The following FUBP3 variants were observed in gnomAD, a reference collection of about 807,000 sequenced individuals.
FUBP3 encodes the protein far upstream element binding protein 3.
FUBP3 carries 28 observed loss-of-function variants against 85.6 expected under a neutral mutation model. The ratio of observed to expected loss-of-function variants is 0.33; its 90% CI spans 0.24 to 0.45. The LOEUF is 0.45. FUBP3 is among the 20% of genes least tolerant of loss of function. FUBP3 has a pLI of 1.00. For synonymous variants in FUBP3, 271 were observed against 271.4 expected, an observed-to-expected ratio of 1.00 and a Z score of 0.01; for missense variants, 583 against 755.1, an observed-to-expected ratio of 0.77 and a Z score of 2.67.
chr9:130,635,885 C>T lies in FUBP3; in HGVS notation c.1583-114C>T. The T allele has an allele frequency of 9.1e-7, 1 of 1,103,794 alleles. No homozygotes were observed. Among genetic ancestry groups the T allele is most frequent in the East Asian group, 2.4e-5 (1 of 42,118 alleles). The allele number at this position is 1,103,794 out of a possible 1,614,324, so 68.4% of individuals were successfully genotyped here. A position where few individuals can be genotyped will look rare whatever the true frequency, so the allele number is the denominator to read the frequency against. On this transcript the variant is annotated intron_variant, in intron 17 of 18. Transcript: ENST00000319725. The surrounding 1 kb of genome is among the most constrained non-coding windows in gnomAD (Gnocchi z 4.3). ...CAGCCTCACCTCACTGCCTCCCAGA[C>T]CTCCCTGCCTTCCAGCCGTCCGGAG...
chr9:130,607,973 T>G (rs12115642), intron 2 of FUBP3, among the ~76,000 whole-genome samples: 2 of 152,230 alleles, frequency 1.3e-5, no homozygotes, highest in Admixed American at 1.3e-4. Flanking sequence ...TGGTGTCATG[T>G]GCGTGGCACC....
At position 130,617,912 on chromosome 9, in the gene FUBP3, G is replaced by A. The variant is rs1209085797; in HGVS notation, c.666+17G>A. The A allele has an allele frequency of 5.5e-6, 7 of 1,261,608 alleles. No individual in the cohort carries two copies. Among genetic ancestry groups the A allele is most frequent in the Non-Finnish European group, 8.1e-6 (7 of 865,344 alleles). The allele number at this position is 1,261,608 out of a possible 1,614,324, so 78.2% of individuals were successfully genotyped here. On this transcript the variant is annotated intron_variant, in intron 8 of 18. Coordinates refer to ENST00000319725, the MANE Select transcript of FUBP3 (RefSeq NM_003934.2). ...AAAGTACAGGTAGGAAAGTGCCATG[G>A]GTTGGGTGAGTCCTGGCTGTTGGGG...
At chr9:130,583,728 G>A (rs955939132) in intron 1 of FUBP3, among the ~76,000 whole-genome samples, 5 of 152,114 alleles carry the variant, frequency 3.3e-5, no homozygotes, top group African/African-American at 1.2e-4. Context: ...TTCCTTAAAG[G>A]GTTTTGGTGA....
At chr9:130,630,255 C>T (rs1446248924) in intron 12 of FUBP3, among the ~76,000 whole-genome samples, 1 of 152,234 alleles carries the variant, frequency 6.6e-6, no homozygotes, top group Non-Finnish European at 1.5e-5. Flanking sequence ...GCAGTGCCAT[C>T]CCTGGCTGGG....
At chr9:130,624,949 G>T (rs973581530) in intron 11 of FUBP3, among the ~76,000 whole-genome samples, 7 of 152,140 alleles carry the variant, frequency 4.6e-5, no homozygotes, top group African/African-American at 1.7e-4. Flanking sequence ...GCTGGACGTG[G>T]TGGCTCACGC....
At chr9:130,610,663 C>T (rs983568002) in intron 3 of FUBP3, among the ~76,000 whole-genome samples, 1 of 152,212 alleles carries the variant, frequency 6.6e-6, no homozygotes, top group African/African-American at 2.4e-5. Context: ...GAAACTGCCA[C>T]AGTTTCTCTT....
chr9:130,587,748 C>A (rs910925818), intron 1 of FUBP3, among the ~76,000 whole-genome samples: 3 of 152,114 alleles, frequency 2.0e-5, no homozygotes, highest in African/African-American at 7.2e-5. Context: ...CCTGGGGCTC[C>A]TAATTAAGGA....
Position 130,636,343 on chromosome 9 carries a change from T to C in FUBP3, c.1710+217T>C, listed in dbSNP as rs9919072. 494 of 657,798 alleles carry C rather than the reference T, an allele frequency of 7.5e-4. 2 individuals carry two copies. The African/African-American group carries it at 7.9e-3, about 11-fold the overall frequency. 40.7% of individuals were successfully genotyped at this position (657,798 alleles called of 1,614,324 possible). ...AAAGAGTTTAGGCCAAGTGGGAGGATTGGGGGCGCAGCCCCTACAAGGAAG... is the reference window on the plus strand; with the variant it reads ...AAAGAGTTTAGGCCAAGTGGGAGGACTGGGGGCGCAGCCCCTACAAGGAAG... On this transcript the variant is annotated intron_variant, in intron 18 of 18. Transcript: ENST00000319725.
chr9:130,632,980 G>A (rs1454895026), intron 16 of FUBP3, among the ~76,000 whole-genome samples: 2 of 152,248 alleles, frequency 1.3e-5, no homozygotes, highest in African/African-American at 4.8e-5. Context: ...TGTTTAGAAA[G>A]GCTTCTTCAG....
intron 18 of FUBP3, chr9:130,636,349 G>A: frequency 1.5e-6 from 1 of 648,170 alleles, no homozygotes; most frequent in Non-Finnish European, 2.8e-6. Context: ...AGGATTGGGG[G>A]CGCAGCCCCT....
At position 130,631,883 on chromosome 9, in the gene FUBP3, A is replaced by C. The variant is rs1324766323; in HGVS notation, c.1353-59A>C. On this transcript the variant is annotated intron_variant, in intron 14 of 18. Transcript: ENST00000319725. ...CCCTCAGTGCCCTGGGGCTGCGGGG[A>C]GGGGACGAGCCCTCTGTTGTGAGGC... is the stretch of plus-strand genomic sequence containing the variant. 7.1e-6 allele frequency: 9 copies of C among 1,263,038 alleles called. No homozygotes were observed. In the East Asian group the frequency reaches 2.1e-4, roughly 29 times the overall value. 78.2% of individuals were successfully genotyped at this position (1,263,038 alleles called of 1,614,324 possible). A position where few individuals can be genotyped will look rare whatever the true frequency, so the allele number is the denominator to read the frequency against.
Position 130,632,337 on chromosome 9 carries a change from C to T in FUBP3, c.1510+59C>T, listed in dbSNP as rs996682441. 5 of 1,345,400 alleles carry T rather than the reference C, an allele frequency of 3.7e-6. No homozygotes were observed. In the Admixed American group the frequency reaches 6.8e-5, roughly 18 times the overall value. The allele number at this position is 1,345,400 out of a possible 1,614,324, so 83.3% of individuals were successfully genotyped here. A position where few individuals can be genotyped will look rare whatever the true frequency, so the allele number is the denominator to read the frequency against. On this transcript the variant is annotated intron_variant, in intron 16 of 18. Coordinates refer to ENST00000319725, the MANE Select transcript of FUBP3 (RefSeq NM_003934.2). The stretch of plus-strand genomic sequence containing the variant: ...CAGAAAGGTTGCGGCCCACAGAAGT[C>T]CTGGGGCCAAAACGCCCTCGTTCAA...
intron 1 of FUBP3, among the ~76,000 whole-genome samples, chr9:130,589,705 ATTTTTTT>A (rs779633795): frequency 1.3e-3 from 96 of 73,708 alleles, no homozygotes; most frequent in East Asian, 4.7e-3. Context: ...ATATATATAT[ATTTTTTT>A]TTTTTTTTTT....
At chr9:130,622,426 G>A (rs1425439822) in intron 9 of FUBP3, among the ~76,000 whole-genome samples, 1 of 150,346 alleles carries the variant, frequency 6.7e-6, no homozygotes, top group Non-Finnish European at 1.5e-5. Context: ...GAGGTCTGGA[G>A]TTCAAGACCA....
chr9:130,633,621 G>A (rs889490857), intron 16 of FUBP3, among the ~76,000 whole-genome samples: 2 of 152,244 alleles, frequency 1.3e-5, no homozygotes, highest in Non-Finnish European at 2.9e-5. Flanking sequence ...TTATTCAGGG[G>A]TTTTGCAGTG....
chr9:130,617,270 G>A (rs751946349), intron 7 of FUBP3, among the ~76,000 whole-genome samples: 3 of 152,192 alleles, frequency 2.0e-5, no homozygotes, highest in Non-Finnish European at 4.4e-5. Context: ...TTGCAGTTGC[G>A]AGTAAAGGAT....
intron 2 of FUBP3, among the ~76,000 whole-genome samples, chr9:130,608,625 A>G (rs1413689289): frequency 6.6e-6 from 1 of 152,232 alleles, no homozygotes; most frequent in Non-Finnish European, 1.5e-5. Flanking sequence ...AGATAGGCAA[A>G]GAGAAAATTT....
rs1319678400 is a variant in FUBP3, at chr9:130,616,587, TCTG to T, written c.567+73_567+75del. 2 of 1,447,768 alleles carry T rather than the reference TCTG, an allele frequency of 1.4e-6. No homozygotes were observed. Among genetic ancestry groups the T allele is most frequent in the Non-Finnish European group, 1.9e-6 (2 of 1,035,526 alleles). The allele number at this position is 1,447,768 out of a possible 1,614,324, so 89.7% of individuals were successfully genotyped here. Reference sequence around the variant, plus strand: ...GTCTTCAGCTTCCTGGCCCAGGAGATCTGCTTACGGCTGGCATTCCCTGGCTGG... The same window carrying T: ...GTCTTCAGCTTCCTGGCCCAGGAGATCTTACGGCTGGCATTCCCTGGCTGG... On this transcript the variant is annotated intron_variant, in intron 7 of 18. Coordinates refer to ENST00000319725, the MANE Select transcript of FUBP3 (RefSeq NM_003934.2). This position sits in a 1 kb window ranked among gnomAD's most constrained non-coding sequence, Gnocchi z 4.7.
Position 130,616,289 on chromosome 9 carries a change from C to A in FUBP3, c.405-66C>A, listed in dbSNP as rs1832004948. Reference sequence around the variant, plus strand: ...CAGGTTTTTCCCTCAGTGCTATTTCCCTGTCTTGCACACTTAGAGCCTCCA... The same window carrying A: ...CAGGTTTTTCCCTCAGTGCTATTTCACTGTCTTGCACACTTAGAGCCTCCA... On this transcript the variant is annotated intron_variant, in intron 6 of 18. Coordinates refer to ENST00000319725, the MANE Select transcript of FUBP3 (RefSeq NM_003934.2). The surrounding 1 kb of genome is among the most constrained non-coding windows in gnomAD (Gnocchi z 4.7). 6.6e-7 allele frequency: 1 copy of A among 1,509,122 alleles called. No individual in the cohort carries two copies. The highest frequency in any genetic ancestry group is 9.2e-7 in the Non-Finnish European group (1 of 1,092,036). The allele number at this position is 1,509,122 out of a possible 1,614,324, so 93.5% of individuals were successfully genotyped here. A position where few individuals can be genotyped will look rare whatever the true frequency, so the allele number is the denominator to read the frequency against.
Sources: gnomAD v4.1 joint callset for allele counts (sites outside exome capture counted in the v4.1 genomes callset) on GRCh38, gnomAD v4.1.1 for gene constraint, Gnocchi (gnomAD v3.1) non-coding constraint, MANE v1.5 for transcripts, NCBI Gene and HGNC (gene_info 2026-07-23, HGNC 2026-07-21) for gene names.